The following TRPM7 variants were observed in gnomAD, a reference collection of about 807,000 sequenced individuals.
The protein encoded by TRPM7 is transient receptor potential cation channel subfamily M member 7, also known as LTRPC ion channel family member 7.
A neutral mutation model predicts 229.7 loss-of-function variants in TRPM7; 134 were observed. The ratio of observed to expected loss-of-function variants is 0.58; its 90% CI spans 0.51 to 0.67. The LOEUF (loss-of-function observed/expected upper bound fraction) is 0.67. Among genes scored for constraint, TRPM7 ranks in the 30% least tolerant of loss-of-function variants. The pLI is 0.00. For missense variants in TRPM7, 1,901 were observed against 2,210.0 expected, an observed-to-expected ratio of 0.86 and a Z score of 2.80; for synonymous variants, 699 against 715.2, an observed-to-expected ratio of 0.98 and a Z score of 0.36.
intron 1 of TRPM7, among the ~76,000 whole-genome samples, chr15:50,677,333 A>G (rs1387575095): frequency 1.3e-5 from 2 of 151,944 alleles, no homozygotes; most frequent in East Asian, 3.9e-4. Context: ...ATCTCCAAAT[A>G]CCATCACACT....
In TRPM7 at chr15:50,588,630, T is replaced by C. The variant is rs540624343; in HGVS notation, c.4389+962A>G. Among the ~76,000 whole-genome samples the C allele has an allele frequency of 2.6e-5, 4 of 152,340 alleles. No individual in the cohort carries two copies. The South Asian group carries it at 8.3e-4, about 32-fold the overall frequency. ...GCTTTAGGAAAGGTCCTGTTTTCAC[T>C]GTGTATGTCACTTAACATTTCTATA... On this transcript the variant is annotated intron_variant, in intron 27 of 38. Transcript: ENST00000646667.
chr15:50,653,981 G>C (rs1262756398), intron 3 of TRPM7, among the ~76,000 whole-genome samples: 3 of 152,074 alleles, frequency 2.0e-5, no homozygotes, highest in African/African-American at 7.2e-5. Context: ...TACCTTAAGA[G>C]GAAGGTCCAC....
chr15:50,574,133 T>C, intron 36 of TRPM7, 141 bp downstream of exon 36: 3 of 666,294 alleles, frequency 4.5e-6, no homozygotes, highest in Middle Eastern at 4.1e-4. Flanking sequence ...CTATATGCTA[T>C]GACTGTGATT....
In TRPM7 at chr15:50,574,960, A is replaced by G. The variant is rs766458033; in HGVS notation, c.4911T>C (p.Asp1637=). The change falls in exon 34 of 39, where the codon GAT becomes GAC. Residue 1637 remains aspartate (D), a synonymous_variant. Coordinates refer to ENST00000646667, the MANE Select transcript of TRPM7 (RefSeq NM_017672.6). The stretch of plus-strand genomic sequence containing the variant: ...TATAAAGATGCCCTGATTTGAGGAT[A>G]TCATGTTCTGACCAGGTACACTGTA... ...VKVQCTWSEH[D]ILKSGHLYII... is the part of the protein sequence containing the mutation. The G allele has an allele frequency of 3.1e-6, 5 of 1,614,026 alleles. No individual in the cohort carries two copies. In the Admixed American group the frequency reaches 8.3e-5, roughly 27 times the overall value.
intron 4 of TRPM7, among the ~76,000 whole-genome samples, chr15:50,644,709 A>T (rs1386711002): frequency 2.0e-5 from 3 of 148,046 alleles, no homozygotes. Context: ...AGGCAAGAGA[A>T]TTGCTTGAAC....
chr15:50,678,240 AAAAAAAAAAAACAAAAAC>A (rs1373729687), intron 1 of TRPM7, among the ~76,000 whole-genome samples: 2 of 56,840 alleles, frequency 3.5e-5, no homozygotes, highest in African/African-American at 1.1e-4. Flanking sequence ...ACTCTCTCTC[AAAAAAAAAAAACAAAAAC>A]AAAAACAAAA....
intron 1 of TRPM7, among the ~76,000 whole-genome samples, chr15:50,667,260 G>A (rs187070800): frequency 3.9e-5 from 6 of 152,214 alleles, no homozygotes; most frequent in Admixed American, 2.0e-4. Flanking sequence ...CGCTTTCCTC[G>A]CCCTGTTCCT....
chr15:50,588,331 C>T (rs903349479), intron 27 of TRPM7: 1 of 507,464 alleles, frequency 2.0e-6, no homozygotes, highest in Non-Finnish European at 2.5e-6. Context: ...GTAATCATTA[C>T]ACCTCAATTT....
At chr15:50,648,182 G>T (rs2061323860) in intron 4 of TRPM7, among the ~76,000 whole-genome samples, 1 of 152,036 alleles carries the variant, frequency 6.6e-6, no homozygotes, top group Non-Finnish European at 1.5e-5. Context: ...GGTATCTGAG[G>T]GAAGTCCTGA....
chr15:50,570,659 A>G (rs1450551492), intron 36 of TRPM7, among the ~76,000 whole-genome samples: 2 of 147,014 alleles, frequency 1.4e-5, no homozygotes, highest in African/African-American at 5.1e-5. Context: ...CCTGACCAAC[A>G]TGGTGAAACT....
At chr15:50,613,229 C>T (rs908739413) in intron 15 of TRPM7, among the ~76,000 whole-genome samples, 1 of 152,046 alleles carries the variant, frequency 6.6e-6, no homozygotes, top group Non-Finnish European at 1.5e-5. Flanking sequence ...GTACGCTGGG[C>T]GCGGTGGCCC....
intron 13 of TRPM7, among the ~76,000 whole-genome samples, chr15:50,619,008 AT>A (rs2060312179): frequency 1.3e-5 from 2 of 152,086 alleles, no homozygotes; most frequent in Non-Finnish European, 2.9e-5. Flanking sequence ...AGTTTTCAGC[AT>A]TTTTACTGGC....
At chr15:50,660,993 G>A (rs79132003) in intron 2 of TRPM7, among the ~76,000 whole-genome samples, 1 of 129,378 alleles carries the variant, frequency 7.7e-6, no homozygotes. Context: ...TTTTTTTTTT[G>A]AGACAGAGTT....
At chr15:50,622,741 C>G (rs1021774014) in intron 12 of TRPM7, among the ~76,000 whole-genome samples, 2 of 152,114 alleles carry the variant, frequency 1.3e-5, no homozygotes, top group Admixed American at 6.6e-5. Flanking sequence ...CAAAAATTAG[C>G]TGGGCATGGT....
At chr15:50,635,573 G>C (rs746936410) in intron 7 of TRPM7, among the ~76,000 whole-genome samples, 2 of 145,220 alleles carry the variant, frequency 1.4e-5, no homozygotes, top group Non-Finnish European at 3.0e-5. Flanking sequence ...TGAGGCAGGA[G>C]AATTACTTGA....
At chr15:50,682,899 CT>C (rs11437624) in intron 1 of TRPM7, among the ~76,000 whole-genome samples, 2,648 of 143,052 alleles carry the variant, frequency 0.019, 61 homozygotes, top group African/African-American at 0.054. Flanking sequence ...CGGTACCAAA[CT>C]TTTTTTTTTT....
chr15:50,611,092 C>T lies in TRPM7; in HGVS notation c.2280+1G>A, dbSNP rs756836213. ...TATATCAAATTATTTCTAAAGTATA[C>T]CTTGTACCAGGAATTTTTCCTCATA... On this transcript the variant is annotated splice_donor_variant, in intron 17 of 38. Coordinates refer to ENST00000646667, the MANE Select transcript of TRPM7 (RefSeq NM_017672.6). LOFTEE classifies it high-confidence loss of function. 6.2e-7 allele frequency: 1 copy of T among 1,603,502 alleles called. No homozygotes were observed. Among genetic ancestry groups the T allele is most frequent in the Non-Finnish European group, 8.5e-7 (1 of 1,170,678 alleles).
intron 36 of TRPM7, among the ~76,000 whole-genome samples, chr15:50,572,379 T>C (rs2053932817): frequency 6.6e-6 from 1 of 152,232 alleles, no homozygotes. Flanking sequence ...GGCCAGATCC[T>C]TCACCAGGAA....
At chr15:50,610,098 G>A in intron 17 of TRPM7, 137 bp from the exon 18 acceptor site, 1 of 609,672 alleles carries the variant, frequency 1.6e-6, no homozygotes, top group Non-Finnish European at 2.6e-6. Flanking sequence ...GCAGTAGAGG[G>A]AAAAAAAACA....
Sources: allele counts gnomAD v4.1 joint callset (sites outside exome capture counted in the v4.1 genomes callset), GRCh38; gene constraint gnomAD v4.1.1; transcripts MANE v1.5; gene names NCBI Gene and HGNC (gene_info 2026-07-23, HGNC 2026-07-21).